PTPRD: variants seen among roughly 807,000 people sequenced by gnomAD.
PTPRD encodes protein tyrosine phosphatase receptor type D, also known as receptor-type tyrosine-protein phosphatase delta.
A neutral mutation model predicts 214.5 loss-of-function variants in PTPRD; 34 were observed. That is an observed-to-expected ratio of 0.16 (90% CI 0.12 to 0.21). The LOEUF (loss-of-function observed/expected upper bound fraction) is 0.21. Among genes scored for constraint, PTPRD ranks in the 10% least tolerant of loss-of-function variants. PTPRD has a pLI of 1.00. For synonymous variants in PTPRD, 1,128 were observed against 845.7 expected, an observed-to-expected ratio of 1.33 and a Z score of -5.79; for missense variants, 2,545 against 2,398.7, an observed-to-expected ratio of 1.06 and a Z score of -1.27.
At chr9:9,218,304 A>G (rs1206119356) in intron 9 of PTPRD, among the ~76,000 whole-genome samples, 2 of 152,126 alleles carry the variant, frequency 1.3e-5, no homozygotes, top group African/African-American at 4.8e-5. Context: ...TAGGCCTTGA[A>G]TGTTGCTTGA....
chr9:10,161,626 A>G (rs2099127664), intron 3 of PTPRD, among the ~76,000 whole-genome samples: 1 of 151,808 alleles, frequency 6.6e-6, no homozygotes, highest in Non-Finnish European at 1.5e-5. Context: ...GCTTCAGGGC[A>G]ATGGTTTGGG....
chr9:10,289,281 A>C (rs1224802931), intron 3 of PTPRD, among the ~76,000 whole-genome samples: 1 of 152,136 alleles, frequency 6.6e-6, no homozygotes, highest in African/African-American at 2.4e-5. Context: ...CATTTCCCCC[A>C]ATTTAAGAAA....
intron 11 of PTPRD, among the ~76,000 whole-genome samples, chr9:9,010,836 T>A (rs2099508778): frequency 6.6e-6 from 1 of 152,200 alleles, no homozygotes; most frequent in African/African-American, 2.4e-5. Context: ...TGGATTGTCA[T>A]GTGATCATTT....
chr9:9,809,714 G>T (rs1027643185), intron 5 of PTPRD, among the ~76,000 whole-genome samples: 1 of 152,196 alleles, frequency 6.6e-6, no homozygotes, highest in African/African-American at 2.4e-5. Context: ...CACTAGAAGA[G>T]AAGGAAAAGG....
chr9:8,578,878 T>C (rs2092755311), intron 14 of PTPRD, among the ~76,000 whole-genome samples: 1 of 152,234 alleles, frequency 6.6e-6, no homozygotes, highest in Non-Finnish European at 1.5e-5. Context: ...TAATTTAAGT[T>C]ATTTAAAAGT....
intron 3 of PTPRD, among the ~76,000 whole-genome samples, chr9:10,310,883 T>A (rs1008536937): frequency 6.6e-6 from 1 of 152,064 alleles, no homozygotes; most frequent in African/African-American, 2.4e-5. Context: ...AGAGGACAGC[T>A]GAGTCCAAAA....
intron 12 of PTPRD, among the ~76,000 whole-genome samples, chr9:8,711,734 A>G (rs2098337278): frequency 6.6e-6 from 1 of 152,222 alleles, no homozygotes; most frequent in African/African-American, 2.4e-5. Context: ...TAGAAAGTCC[A>G]TAAACCACCA....
intron 7 of PTPRD, among the ~76,000 whole-genome samples, chr9:9,626,465 G>A (rs1348075291): frequency 6.6e-6 from 1 of 152,136 alleles, no homozygotes; most frequent in Admixed American, 6.6e-5. Flanking sequence ...ACTACTGGGG[G>A]AAAATCGATC....
Position 10,075,912 on chromosome 9 carries a change from A to T in PTPRD, c.-544-42122T>A, listed in dbSNP as rs145038263. ...TATGAATATATTTTCTTCTACATAA[A>T]TGCTTTAAAGAAGTCTTCACACTCA... On this transcript the variant is annotated intron_variant, in intron 3 of 45. Transcript: ENST00000381196. Among the ~76,000 whole-genome samples the T allele has an allele frequency of 2.7e-4, 41 of 152,272 alleles. No homozygotes were observed. In the East Asian group the frequency reaches 6.6e-3, roughly 24 times the overall value.
Position 10,484,704 on chromosome 9 carries a change from T to C in PTPRD, c.-600+127694A>G, listed in dbSNP as rs577677751. ...ATCTATTTAGATTTTTTGCTCATTT[T>C]TAGTCAGATTATTATATTTTTTCCT... On this transcript the variant is annotated intron_variant, in intron 2 of 45. Coordinates refer to ENST00000381196, the MANE Select transcript of PTPRD (RefSeq NM_002839.4). Among the ~76,000 whole-genome samples, 10 of 152,234 alleles carry C rather than the reference T, an allele frequency of 6.6e-5. No individual in the cohort carries two copies. The South Asian group carries it at 1.2e-3, about 19-fold the overall frequency.
In PTPRD at chr9:9,653,299, G is replaced by A. The variant is rs1185933518; in HGVS notation, c.-286-78518C>T. ...GGAGCTTGCAGTGAGCCGAGATTGC[G>A]CCACTGCAGTCCGCAGTCCGGCCTG... On this transcript the variant is annotated intron_variant, in intron 7 of 45. Transcript: ENST00000381196. Among the ~76,000 whole-genome samples, 10 of 119,310 alleles carry A rather than the reference G, an allele frequency of 8.4e-5. 1 individual carries two copies. Among genetic ancestry groups the A allele is most frequent in the African/African-American group, 2.6e-4 (8 of 30,506 alleles). 78.3% of individuals were successfully genotyped at this position (119,310 alleles called of 152,430 possible). A position where few individuals can be genotyped will look rare whatever the true frequency, so the allele number is the denominator to read the frequency against.
At chr9:10,495,243 T>C (rs1213474115) in intron 2 of PTPRD, among the ~76,000 whole-genome samples, 3 of 151,454 alleles carry the variant, frequency 2.0e-5, no homozygotes, top group Non-Finnish European at 4.4e-5. Flanking sequence ...ATTAAAGGAG[T>C]GCACTTGGGT....
intron 10 of PTPRD, among the ~76,000 whole-genome samples, chr9:9,175,814 C>T (rs948201246): frequency 4.6e-5 from 7 of 152,072 alleles, no homozygotes; most frequent in Non-Finnish European, 7.4e-5. Flanking sequence ...AGGATCACAT[C>T]ATTGAGTATT....
At chr9:9,842,834 G>A (rs573029875) in intron 5 of PTPRD, among the ~76,000 whole-genome samples, 5 of 151,510 alleles carry the variant, frequency 3.3e-5, no homozygotes, top group Admixed American at 2.6e-4. Context: ...ATCTTCAGTG[G>A]ATTTTTTTTT....
chr9:9,967,170 T>C (rs1388257818), intron 4 of PTPRD, among the ~76,000 whole-genome samples: 2 of 152,144 alleles, frequency 1.3e-5, no homozygotes, highest in African/African-American at 4.8e-5. Flanking sequence ...CTTAGACAAA[T>C]GCCTCAGCCA....
At chr9:9,676,543 T>G (rs551068203) in intron 7 of PTPRD, among the ~76,000 whole-genome samples, 1 of 152,210 alleles carries the variant, frequency 6.6e-6, no homozygotes, top group Admixed American at 6.6e-5. Context: ...ACATTTGGCT[T>G]GGTTCCAAGT....
intron 3 of PTPRD, among the ~76,000 whole-genome samples, chr9:10,275,457 G>A (rs900715644): frequency 1.3e-5 from 2 of 151,982 alleles, no homozygotes; most frequent in African/African-American, 4.8e-5. Context: ...GAGAATTGAT[G>A]TACTTATAAA....
rs922868221 is a variant in PTPRD at position 9,186,903 on chromosome 9, T to A, written c.-202-3540A>T. 4.6e-5 allele frequency among the ~76,000 whole-genome samples: 7 copies of A among 152,134 alleles called. No individual in the cohort carries two copies. The East Asian group carries it at 5.8e-4, about 13-fold the overall frequency. On this transcript the variant is annotated intron_variant, in intron 9 of 45. Transcript: ENST00000381196. ...TCTTACACATAAAAATATTTAGATTTGCTTAGAATAATTTTTTTATATTTA... is the reference window on the plus strand; with the variant it reads ...TCTTACACATAAAAATATTTAGATTAGCTTAGAATAATTTTTTTATATTTA...
At chr9:9,755,062 G>T (rs1217571537) in intron 6 of PTPRD, among the ~76,000 whole-genome samples, 1 of 151,906 alleles carries the variant, frequency 6.6e-6, no homozygotes, top group Non-Finnish European at 1.5e-5. Flanking sequence ...TGGATTTAAG[G>T]AATAAGAAAT....
Sources: gnomAD v4.1 joint callset for allele counts (sites outside exome capture counted in the v4.1 genomes callset) on GRCh38, gnomAD v4.1.1 for gene constraint, MANE v1.5 for transcripts, NCBI Gene and HGNC (gene_info 2026-07-23, HGNC 2026-07-21) for gene names.